SMARCA2: variants seen among roughly 807,000 people sequenced by gnomAD.
SMARCA2 encodes the protein SWI/SNF-related matrix-associated actin-dependent regulator of chromatin subfamily A member 2.
A neutral mutation model predicts 199.8 loss-of-function variants in SMARCA2; 61 were observed. That is an observed-to-expected ratio of 0.31 (90% CI 0.25 to 0.38). The LOEUF is 0.38. Among genes scored for constraint, SMARCA2 ranks in the 10% least tolerant of loss-of-function variants. SMARCA2 has a pLI of 1.00. For synonymous variants in SMARCA2, 935 were observed against 732.0 expected (o/e 1.28, Z -4.48); for missense variants, 1,344 against 2,012.2 (o/e 0.67, Z 6.35).
At chr9:2,165,178 T>C (rs566159033) in intron 28 of SMARCA2, among the ~76,000 whole-genome samples, 1 of 152,224 alleles carries the variant, frequency 6.6e-6, no homozygotes, top group Non-Finnish European at 1.5e-5. Context: ...CCCATCACTT[T>C]GGTCAAATGT....
At chr9:2,160,748 C>A in intron 27 of SMARCA2, 1 of 428,172 alleles carries the variant, frequency 2.3e-6, no homozygotes, top group Non-Finnish European at 4.2e-6. Context: ...AGAGAGCAAT[C>A]TCAAAACGTA....
At chr9:2,149,516 C>A (rs2130714608) in intron 27 of SMARCA2, among the ~76,000 whole-genome samples, 1 of 151,318 alleles carries the variant, frequency 6.6e-6, no homozygotes. Flanking sequence ...TGAGACTCCT[C>A]AAAAAAACAA....
chr9:2,181,822 C>G (rs977558490), intron 30 of SMARCA2, 146 bp downstream of exon 30: 3 of 621,816 alleles, frequency 4.8e-6, no homozygotes, highest in East Asian at 2.8e-5. Context: ...TGTGCTTTTC[C>G]GTGAGTGTTA....
rs139030041 is a variant in SMARCA2 at position 2,131,410 on chromosome 9, G to A, written c.3981+7473G>A. Among the ~76,000 whole-genome samples, 693 of 152,218 alleles carry A rather than the reference G, an allele frequency of 4.6e-3. 1 individual carries two copies. The highest frequency in any genetic ancestry group is 0.016 in the African/African-American group (667 of 41,520). On this transcript the variant is annotated intron_variant, in intron 27 of 33. Transcript: ENST00000349721. ...TGTTTTGTGATGTCCTGTGCAGTTG[G>A]GCCCCAGTAAACGCTACGGAAATGA...
At chr9:2,183,728 G>A (rs550161227) in intron 31 of SMARCA2, among the ~76,000 whole-genome samples, 1 of 152,204 alleles carries the variant, frequency 6.6e-6, no homozygotes, top group African/African-American at 2.4e-5. Context: ...AGGAGGTCTT[G>A]AAAGCAAGCC....
chr9:2,178,910 G>C (rs989290952), intron 29 of SMARCA2, among the ~76,000 whole-genome samples: 1 of 152,196 alleles, frequency 6.6e-6, no homozygotes, highest in Non-Finnish European at 1.5e-5. Context: ...ATGTCTGTAA[G>C]AGAACCCCAC....
At position 2,170,478 on chromosome 9, in the gene SMARCA2, G is replaced by T; in HGVS notation, c.4253+6G>T. 1 of 1,614,062 alleles carries T rather than the reference G, an allele frequency of 6.2e-7. No individual in the cohort carries two copies. Among genetic ancestry groups the T allele is most frequent in the Non-Finnish European group, 8.5e-7 (1 of 1,179,962 alleles). On this transcript the variant is annotated splice_donor_region_variant and intron_variant, in intron 29 of 33. Coordinates refer to ENST00000349721, the MANE Select transcript of SMARCA2 (RefSeq NM_003070.5). The surrounding 1 kb of genome is among the most constrained non-coding windows in gnomAD (Gnocchi z 4.7). Reference sequence around the variant, plus strand: ...TTGGAAATAGAAGGAAACAGGTCAGGATCTGTCTTGTATTCCCCTATCTCT... The same window carrying T: ...TTGGAAATAGAAGGAAACAGGTCAGTATCTGTCTTGTATTCCCCTATCTCT...
At position 2,039,953 on chromosome 9, in the gene SMARCA2, A is replaced by G. The variant is rs1044959200; in HGVS notation, c.790+53A>G. ...ATGCCATGGTCCAACTCGGATAACA[A>G]AGACTGCTCACCAAAACACCGGGTT... On this transcript the variant is annotated intron_variant, in intron 4 of 33. Transcript: ENST00000349721. This position sits in a 1 kb window ranked among gnomAD's most constrained non-coding sequence, Gnocchi z 4.8. 3 of 1,594,998 alleles carry G rather than the reference A, an allele frequency of 1.9e-6. No individual in the cohort carries two copies. The highest frequency in any genetic ancestry group is 1.3e-5 in the African/African-American group (1 of 74,664).
At chr9:2,023,459 A>C (rs1453082551) in intron 1 of SMARCA2, among the ~76,000 whole-genome samples, 1 of 152,242 alleles carries the variant, frequency 6.6e-6, no homozygotes, top group Non-Finnish European at 1.5e-5. Context: ...AAGTGTTGTG[A>C]ATAACCCCAA....
rs1393894939 is a variant in SMARCA2, at chr9:2,104,556, T to A, written c.3292+387T>A. On this transcript the variant is annotated intron_variant, in intron 23 of 33. Coordinates refer to ENST00000349721, the MANE Select transcript of SMARCA2 (RefSeq NM_003070.5). This position sits in a 1 kb window ranked among gnomAD's most constrained non-coding sequence, Gnocchi z 4.0. Reference sequence around the variant, plus strand: ...AGGCATATTTTAAGGGGATAAAGGCTATGTCACTTTTCTTTGTAACAATAC... The same window carrying A: ...AGGCATATTTTAAGGGGATAAAGGCAATGTCACTTTTCTTTGTAACAATAC... 6.6e-6 allele frequency among the ~76,000 whole-genome samples: 1 copy of A among 152,244 alleles called. No homozygotes were observed. Among genetic ancestry groups the A allele is most frequent in the Non-Finnish European group, 1.5e-5 (1 of 68,036 alleles).
At chr9:2,081,554 A>G (rs1306243974) in intron 14 of SMARCA2, among the ~76,000 whole-genome samples, 2 of 152,204 alleles carry the variant, frequency 1.3e-5, no homozygotes, top group Non-Finnish European at 2.9e-5. Flanking sequence ...ATAATTCTAG[A>G]ATGTCACATA....
chr9:2,093,840 T>A (rs1432904437), intron 19 of SMARCA2, among the ~76,000 whole-genome samples: 1 of 152,218 alleles, frequency 6.6e-6, no homozygotes, highest in African/African-American at 2.4e-5. Context: ...TCCTTTAACA[T>A]TGACCTGTGC....
Position 2,191,673 on chromosome 9 carries a change from C to T in SMARCA2, c.4737+265C>T, listed in dbSNP as rs551123413. The T allele has an allele frequency of 9.6e-6, 3 of 312,380 alleles. No individual in the cohort carries two copies. The East Asian group carries it at 1.7e-4, about 18-fold the overall frequency. The allele number at this position is 312,380 out of a possible 1,614,324, so 19.4% of individuals were successfully genotyped here. ...CTTCCCTTTCCCCCTTTTTAATCTT[C>T]CCACATGCTTTCTTATAAATATGGT... On this transcript the variant is annotated intron_variant, in intron 33 of 33. Transcript: ENST00000349721.
chr9:2,154,397 A>T (rs73638397), intron 27 of SMARCA2, among the ~76,000 whole-genome samples: 3,605 of 152,266 alleles, frequency 0.024, 139 homozygotes, highest in African/African-American at 0.081. Flanking sequence ...TCAAACTACT[A>T]TGCTTTTGAT....
chr9:2,164,237 G>C (rs1006274086), intron 28 of SMARCA2, among the ~76,000 whole-genome samples: 8 of 152,140 alleles, frequency 5.3e-5, no homozygotes, highest in African/African-American at 1.9e-4. Context: ...CATGGCTGTG[G>C]GCTGACCACT....
At chr9:2,145,294 A>G (rs1824678854) in intron 27 of SMARCA2, among the ~76,000 whole-genome samples, 1 of 144,322 alleles carries the variant, frequency 6.9e-6, no homozygotes, top group Non-Finnish European at 1.5e-5. Context: ...CAGAGTGAAG[A>G]CTCTTGTCTC....
At chr9:2,092,915 G>T (rs781767302) in intron 19 of SMARCA2, among the ~76,000 whole-genome samples, 3 of 152,216 alleles carry the variant, frequency 2.0e-5, no homozygotes, top group Non-Finnish European at 4.4e-5. Context: ...GATGAACTCA[G>T]ACTCAACCGA....
intron 1 of SMARCA2, among the ~76,000 whole-genome samples, chr9:2,024,806 A>G (rs893475170): frequency 2.0e-5 from 3 of 152,186 alleles, no homozygotes; most frequent in African/African-American, 7.2e-5. Context: ...TGCAGATGTT[A>G]CTTTGGGCAA....
intron 28 of SMARCA2, among the ~76,000 whole-genome samples, chr9:2,167,838 C>G (rs1826010621): frequency 6.6e-6 from 1 of 152,148 alleles, no homozygotes; most frequent in African/African-American, 2.4e-5. Context: ...CTTACCCCCA[C>G]TAGCTCATCA....
Sources: allele counts gnomAD v4.1 joint callset (sites outside exome capture counted in the v4.1 genomes callset), GRCh38; gene constraint gnomAD v4.1.1; non-coding constraint Gnocchi (gnomAD v3.1); transcripts MANE v1.5; gene names NCBI Gene and HGNC (gene_info 2026-07-23, HGNC 2026-07-21).